The following CSMD1 variants were observed in gnomAD, a reference collection of about 807,000 sequenced individuals.
CSMD1 encodes CUB and Sushi multiple domains 1.
A neutral mutation model predicts 417.5 loss-of-function variants in CSMD1; 213 were observed. That is an observed-to-expected ratio of 0.51 (90% CI 0.46 to 0.57). The LOEUF is 0.57. Among genes scored for constraint, CSMD1 ranks in the 20% least tolerant of loss-of-function variants. CSMD1 has a pLI of 0.00. For synonymous variants in CSMD1, 2,862 were observed against 1,736.8 expected (o/e 1.65, Z -16.11); for missense variants, 6,923 against 4,529.7 (o/e 1.53, Z -15.17).
At chr8:3,367,689 G>T (rs539138361) in intron 19 of CSMD1, among the ~76,000 whole-genome samples, 1 of 152,292 alleles carries the variant, frequency 6.6e-6, no homozygotes, top group African/African-American at 2.4e-5. Flanking sequence ...TATAAGTACA[G>T]ATATGATGTA....
At chr8:4,949,737 ATTAATT>A (rs1392966017) in intron 1 of CSMD1, among the ~76,000 whole-genome samples, 3 of 152,230 alleles carry the variant, frequency 2.0e-5, no homozygotes, top group Non-Finnish European at 2.9e-5. Flanking sequence ...CTAAAAATGT[ATTAATT>A]TTATCTTTTC....
chr8:3,466,654 C>G (rs988716520), intron 12 of CSMD1, among the ~76,000 whole-genome samples: 13 of 148,748 alleles, frequency 8.7e-5, no homozygotes, highest in Non-Finnish European at 1.9e-4. Context: ...GTCTGGAACT[C>G]CTGACCTTAA....
chr8:4,044,465 G>A (rs1017072495), intron 3 of CSMD1, among the ~76,000 whole-genome samples: 19 of 152,232 alleles, frequency 1.2e-4, no homozygotes, highest in Admixed American at 9.8e-4. Flanking sequence ...CGATTTAACT[G>A]GAGGGTCACA....
intron 1 of CSMD1, among the ~76,000 whole-genome samples, chr8:4,933,965 G>T (rs867409680): frequency 1.3e-5 from 2 of 151,848 alleles, no homozygotes; most frequent in African/African-American, 4.8e-5. Context: ...TGCCCACACA[G>T]TCACTCTCAC....
intron 1 of CSMD1, among the ~76,000 whole-genome samples, chr8:4,701,316 GC>G (rs1267541197): frequency 2.4e-5 from 2 of 84,968 alleles, no homozygotes; most frequent in African/African-American, 7.1e-5. Context: ...TTCCTTTGAT[GC>G]TTTTTTTTTT....
chr8:4,822,416 G>T (rs200230932), intron 1 of CSMD1, among the ~76,000 whole-genome samples: 1 of 152,056 alleles, frequency 6.6e-6, no homozygotes, highest in Non-Finnish European at 1.5e-5. Flanking sequence ...TTTTTAAAAA[G>T]ATAATCTATA....
intron 3 of CSMD1, among the ~76,000 whole-genome samples, chr8:4,305,063 C>G (rs1305444924): frequency 6.6e-6 from 1 of 152,126 alleles, no homozygotes; most frequent in African/African-American, 2.4e-5. Context: ...GGCACCTATT[C>G]GTTTTAGGGC....
At chr8:3,845,228 T>C (rs995308276) in intron 5 of CSMD1, among the ~76,000 whole-genome samples, 4 of 152,178 alleles carry the variant, frequency 2.6e-5, no homozygotes, top group East Asian at 3.9e-4. Flanking sequence ...ACAATGGAGA[T>C]ACATTTTGAG....
chr8:4,925,968 A>G (rs1806838549), intron 1 of CSMD1, among the ~76,000 whole-genome samples: 2 of 152,158 alleles, frequency 1.3e-5, no homozygotes, highest in South Asian at 4.1e-4. Flanking sequence ...TTGTTTTCCT[A>G]TTACAGTTTT....
chr8:4,144,524 A>G (rs948636074), intron 3 of CSMD1, among the ~76,000 whole-genome samples: 22 of 150,836 alleles, frequency 1.5e-4, no homozygotes, highest in Non-Finnish European at 3.2e-4. Context: ...TCACCTCATT[A>G]CCCCTTCCCT....
At chr8:3,896,446 A>C (rs1807371367) in intron 5 of CSMD1, among the ~76,000 whole-genome samples, 1 of 152,170 alleles carries the variant, frequency 6.6e-6, no homozygotes, top group East Asian at 1.9e-4. Flanking sequence ...AACGTTGAAC[A>C]CTTGGGAGAG....
intron 1 of CSMD1, among the ~76,000 whole-genome samples, chr8:4,882,868 G>A (rs1330838175): frequency 6.6e-6 from 1 of 151,958 alleles, no homozygotes; most frequent in Admixed American, 6.6e-5. Flanking sequence ...GACTTTGAAG[G>A]AAGAAAGCAA....
At chr8:3,745,975 G>A (rs1797048222) in intron 6 of CSMD1, among the ~76,000 whole-genome samples, 1 of 152,202 alleles carries the variant, frequency 6.6e-6, no homozygotes, top group South Asian at 2.1e-4. Context: ...CAATGTAAAT[G>A]CTGAAGACTT....
chr8:4,100,730 T>C (rs1235146995), intron 3 of CSMD1, among the ~76,000 whole-genome samples: 2 of 152,206 alleles, frequency 1.3e-5, no homozygotes, highest in Admixed American at 1.3e-4. Context: ...TCCACACTGC[T>C]GTTCTAGGGA....
chr8:3,307,403 A>C (rs1804958366), intron 25 of CSMD1, among the ~76,000 whole-genome samples: 1 of 97,316 alleles, frequency 1.0e-5, no homozygotes, highest in East Asian at 2.3e-4. Context: ...CAGGCAACCC[A>C]CGAAGTCATG....
intron 2 of CSMD1, among the ~76,000 whole-genome samples, chr8:4,584,017 A>G (rs1799576719): frequency 6.6e-6 from 1 of 151,912 alleles, no homozygotes; most frequent in Non-Finnish European, 1.5e-5. Context: ...ACAACTCCAG[A>G]TGCGCCGCCT....
intron 2 of CSMD1, among the ~76,000 whole-genome samples, chr8:4,467,731 G>A (rs771060985): frequency 1.3e-5 from 2 of 152,052 alleles, no homozygotes; most frequent in Admixed American, 6.6e-5. Context: ...CAAGCCCAAT[G>A]GTAAAGCTAA....
chr8:3,696,804 A>C (rs916090830), intron 7 of CSMD1, among the ~76,000 whole-genome samples: 1 of 152,090 alleles, frequency 6.6e-6, no homozygotes, highest in South Asian at 2.1e-4. Context: ...TATTTCTTCT[A>C]CTCTTTATCA....
chr8:4,467,422 G>T (rs1385829388), intron 2 of CSMD1, among the ~76,000 whole-genome samples: 1 of 151,628 alleles, frequency 6.6e-6, no homozygotes, highest in East Asian at 1.9e-4. Flanking sequence ...TTCCGTCTTA[G>T]ACTACCAAGC....
Sources: allele counts gnomAD v4.1 joint callset (sites outside exome capture counted in the v4.1 genomes callset), GRCh38; gene constraint gnomAD v4.1.1; transcripts MANE v1.5; gene names NCBI Gene and HGNC (gene_info 2026-07-23, HGNC 2026-07-21).